The following CDH18 variants were observed in gnomAD, a reference collection of about 807,000 sequenced individuals.
The protein encoded by CDH18 is cadherin 18.
A neutral mutation model predicts 67.9 loss-of-function variants in CDH18; 31 were observed. The ratio of observed to expected loss-of-function variants is 0.46; its 90% confidence interval spans 0.34 to 0.62. The LOEUF is 0.62. Among genes scored for constraint, CDH18 ranks in the 20% least tolerant of loss-of-function variants. The probability of loss-of-function intolerance (pLI) is 0.01; values close to 1 mark genes in which losing one functional copy is unlikely to be tolerated. For synonymous variants in CDH18, 362 were observed against 347.2 expected, an observed-to-expected ratio of 1.04 and a Z score of -0.48; for missense variants, 890 against 975.5, an observed-to-expected ratio of 0.91 and a Z score of 1.17.
At chr5:20,265,902 A>C (rs1370601568) in intron 1 of CDH18, among the ~76,000 whole-genome samples, 1 of 152,258 alleles carries the variant, frequency 6.6e-6, no homozygotes, top group African/African-American at 2.4e-5. Flanking sequence ...TAGCTAGTAA[A>C]GATGACTGAC....
chr5:20,563,907 G>C (rs980866922), intron 1 of CDH18, among the ~76,000 whole-genome samples: 14 of 152,000 alleles, frequency 9.2e-5, no homozygotes, highest in African/African-American at 2.9e-4. Flanking sequence ...TAAACTAGTA[G>C]AGAAGCCTAT....
At chr5:20,196,549 G>C (rs548109763) in intron 2 of CDH18, among the ~76,000 whole-genome samples, 1 of 152,098 alleles carries the variant, frequency 6.6e-6, no homozygotes, top group African/African-American at 2.4e-5. Flanking sequence ...TCAGCTCAGA[G>C]AAAAATAACT....
intron 2 of CDH18, among the ~76,000 whole-genome samples, chr5:20,149,373 T>C (rs1179345850): frequency 6.6e-6 from 1 of 152,206 alleles, no homozygotes; most frequent in Admixed American, 6.5e-5. Context: ...CAGTTTTCCT[T>C]GTTGACACAC....
intron 1 of CDH18, among the ~76,000 whole-genome samples, chr5:20,509,290 CT>C (rs34916031): frequency 6.6e-6 from 1 of 152,024 alleles, no homozygotes; most frequent in Non-Finnish European, 1.5e-5. Flanking sequence ...GTGAGATAAA[CT>C]TTTTTAGATA....
intron 1 of CDH18, among the ~76,000 whole-genome samples, chr5:20,363,659 CTTT>C (rs1742282751): frequency 6.6e-6 from 1 of 151,664 alleles, no homozygotes; most frequent in South Asian, 2.1e-4. Flanking sequence ...TGCCCTTCTT[CTTT>C]TGTCTGCCTT....
At chr5:19,878,051 T>C (rs188659639) in intron 2 of CDH18, 2 of 152,196 alleles carry the variant, frequency 1.3e-5, no homozygotes, top group East Asian at 1.9e-4. Context: ...AGAAGGTAGT[T>C]GTAGAACCAA....
At chr5:20,261,462 C>A (rs565882768) in intron 1 of CDH18, among the ~76,000 whole-genome samples, 1 of 152,160 alleles carries the variant, frequency 6.6e-6, no homozygotes, top group East Asian at 1.9e-4. Flanking sequence ...TGCTAGAGGT[C>A]GGGCGTGGTG....
chr5:19,937,588 T>A (rs13159677), intron 2 of CDH18, among the ~76,000 whole-genome samples: 64,000 of 151,320 alleles, frequency 0.42, 15,926 homozygotes, highest in Middle Eastern at 0.64. Flanking sequence ...ACATATAGAC[T>A]GACCTGCATA....
chr5:20,021,762 A>G (rs1432818771), intron 2 of CDH18, among the ~76,000 whole-genome samples: 1 of 152,174 alleles, frequency 6.6e-6, no homozygotes, highest in Non-Finnish European at 1.5e-5. Flanking sequence ...TTCTTTATAA[A>G]TTACCAACTC....
chr5:20,025,528 A>G (rs978330122), intron 2 of CDH18, among the ~76,000 whole-genome samples: 2 of 152,198 alleles, frequency 1.3e-5, no homozygotes, highest in East Asian at 1.9e-4. Flanking sequence ...CATATACTTC[A>G]AAGTAGTGAA....
rs951514946 is a variant in CDH18, at chr5:20,514,561, T to C, written c.-580+60901A>G. 1.3e-5 allele frequency among the ~76,000 whole-genome samples: 2 copies of C among 152,146 alleles called. 1 individual carries two copies. Among genetic ancestry groups the C allele is most frequent in the Admixed American group, 1.3e-4 (2 of 15,250 alleles). ...GGTTATTTTGGTGGCAAGTGACATA[T>C]GTACATGAGCTGATTGTAGTAGCTA... On this transcript the variant is annotated intron_variant, in intron 1 of 14. Coordinates refer to the CDH18 transcript ENST00000507958.
intron 1 of CDH18, among the ~76,000 whole-genome samples, chr5:20,561,898 A>G (rs1264049107): frequency 6.6e-6 from 1 of 151,970 alleles, no homozygotes; most frequent in East Asian, 1.9e-4. Flanking sequence ...AGAATTCCAA[A>G]AAGTTCAAAA....
intron 3 of CDH18, among the ~76,000 whole-genome samples, chr5:19,810,429 G>A (rs986922452): frequency 6.6e-6 from 1 of 152,020 alleles, no homozygotes; most frequent in African/African-American, 2.4e-5. Flanking sequence ...TACTTAATTC[G>A]AAGAGCATAG....
intron 8 of CDH18, among the ~76,000 whole-genome samples, chr5:19,563,855 A>AC (rs1335930661): frequency 1.3e-5 from 2 of 152,090 alleles, no homozygotes; most frequent in African/African-American, 4.8e-5. Flanking sequence ...GGCTTACACA[A>AC]CCCCTCCCTC....
chr5:19,924,001 G>C (rs1792799294), intron 2 of CDH18, among the ~76,000 whole-genome samples: 1 of 152,182 alleles, frequency 6.6e-6, no homozygotes, highest in Admixed American at 6.5e-5. Context: ...GTGTGTTTCA[G>C]TGAAACTATG....
chr5:19,969,762 T>G (rs1471615262), intron 2 of CDH18, among the ~76,000 whole-genome samples: 2 of 151,356 alleles, frequency 1.3e-5, no homozygotes, highest in East Asian at 3.9e-4. Flanking sequence ...AGTTAATGGG[T>G]GCAGCACACC....
intron 6 of CDH18, among the ~76,000 whole-genome samples, chr5:19,609,102 C>T (rs898722267): frequency 2.0e-5 from 3 of 151,774 alleles, no homozygotes; most frequent in Admixed American, 6.6e-5. Context: ...TTTTTAAAAA[C>T]TAGAATAGGA....
intron 11 of CDH18, among the ~76,000 whole-genome samples, chr5:19,501,689 A>G (rs926222933): frequency 6.6e-6 from 1 of 152,076 alleles, no homozygotes; most frequent in African/African-American, 2.4e-5. Context: ...TAAAATATAA[A>G]TTTTTATTGG....
At chr5:19,525,577 TCAA>T (rs1470404054) in intron 9 of CDH18, among the ~76,000 whole-genome samples, 11 of 152,182 alleles carry the variant, frequency 7.2e-5, no homozygotes, top group African/African-American at 2.7e-4. Context: ...TGGTGCAAAT[TCAA>T]TAACTGCTGT....
Sources: allele counts gnomAD v4.1 joint callset (sites outside exome capture counted in the v4.1 genomes callset), GRCh38; gene constraint gnomAD v4.1.1; transcripts MANE v1.5; gene names NCBI Gene and HGNC (gene_info 2026-07-23, HGNC 2026-07-21).